NECTIN2: variants seen among roughly 807,000 people sequenced by gnomAD.
NECTIN2 encodes the protein nectin-2.
In NECTIN2, 23 loss-of-function variants were observed where a neutral mutation model predicts 56.9. The ratio of observed to expected loss-of-function variants is 0.40; its 90% CI spans 0.29 to 0.57. The LOEUF (loss-of-function observed/expected upper bound fraction) is 0.57, where lower values mean the gene tolerates loss of function less well. Among genes scored for constraint, NECTIN2 ranks in the 20% least tolerant of loss-of-function variants. The pLI, the probability that NECTIN2 is intolerant of heterozygous loss-of-function variation, is 0.38. For missense variants in NECTIN2, 587 were observed against 718.3 expected, an observed-to-expected ratio of 0.82 and a Z score of 2.09; for synonymous variants, 302 against 313.8, an observed-to-expected ratio of 0.96 and a Z score of 0.40.
chr19:44,851,030 G>A (rs1001939763), intron 1 of NECTIN2, among the ~76,000 whole-genome samples: 10 of 151,146 alleles, frequency 6.6e-5, no homozygotes, highest in Non-Finnish European at 1.2e-4. Context: ...TTCAGGCCCC[G>A]CCTCCCTCAG....
chr19:44,884,356 T>C (rs568379582), intron 6 of NECTIN2, among the ~76,000 whole-genome samples: 9 of 152,200 alleles, frequency 5.9e-5, no homozygotes, highest in Admixed American at 2.0e-4. Flanking sequence ...GGTTTTGCCA[T>C]GTTGCCCAGG....
At chr19:44,888,082 T>G (rs1254081625) in intron 8 of NECTIN2, 28 bp from the exon 9 acceptor site, 1 of 1,599,788 alleles carries the variant, frequency 6.3e-7, no homozygotes. Context: ...GAAGTGATCT[T>G]GAGTTCCTGT....
At chr19:44,870,607 AC>A (rs1969162410) in intron 2 of NECTIN2, among the ~76,000 whole-genome samples, 2 of 151,970 alleles carry the variant, frequency 1.3e-5, no homozygotes, top group Admixed American at 1.3e-4. Context: ...CCTTTATCAC[AC>A]TTCCAGTCAT....
chr19:44,874,538 C>T lies in NECTIN2; in HGVS notation c.1042+60C>T. Reference sequence around the variant, plus strand: ...GGGTCCGCTCCCCTGGAGTTCTGCCCTTCAGGACTTGGGGCTGCACTGGGG... The same window carrying T: ...GGGTCCGCTCCCCTGGAGTTCTGCCTTTCAGGACTTGGGGCTGCACTGGGG... On this transcript the variant is annotated intron_variant, in intron 5 of 8. Transcript: ENST00000252483. This position sits in a 1 kb window ranked among gnomAD's most constrained non-coding sequence, Gnocchi z 6.3. 2 of 1,595,048 alleles carry T rather than the reference C, an allele frequency of 1.3e-6. No individual in the cohort carries two copies. Among genetic ancestry groups the T allele is most frequent in the South Asian group, 1.1e-5 (1 of 90,412 alleles).
intron 6 of NECTIN2, among the ~76,000 whole-genome samples, chr19:44,885,651 G>A (rs1252490530): frequency 6.6e-6 from 1 of 152,076 alleles, no homozygotes; most frequent in Non-Finnish European, 1.5e-5. Flanking sequence ...TCACAGTGGG[G>A]CATGGTAATT....
intron 6 of NECTIN2, among the ~76,000 whole-genome samples, chr19:44,884,978 TTTTTC>T (rs554317321): frequency 4.1e-4 from 62 of 152,258 alleles, no homozygotes; most frequent in African/African-American, 5.5e-4. Flanking sequence ...ATCTTTCTTT[TTTTTC>T]TTTTCTTTTC....
At position 44,874,563 on chromosome 19, in the gene NECTIN2, G is replaced by A; in HGVS notation, c.1042+85G>A. 1.3e-6 allele frequency: 2 copies of A among 1,548,538 alleles called. No individual in the cohort carries two copies. Among genetic ancestry groups the A allele is most frequent in the South Asian group, 2.3e-5 (2 of 88,154 alleles). On this transcript the variant is annotated intron_variant, in intron 5 of 8. Coordinates refer to ENST00000252483, the MANE Select transcript of NECTIN2 (RefSeq NM_001042724.2). The surrounding 1 kb of genome is among the most constrained non-coding windows in gnomAD (Gnocchi z 6.3). ...CTTCAGGACTTGGGGCTGCACTGGG[G>A]GAGGCTGCGCCGCCGACCTGGGAGG...
At chr19:44,860,936 A>G (rs1969024708) in intron 1 of NECTIN2, among the ~76,000 whole-genome samples, 1 of 148,832 alleles carries the variant, frequency 6.7e-6, no homozygotes, top group African/African-American at 2.5e-5. Context: ...GTAAGAATTT[A>G]TATCTCGATA....
intron 2 of NECTIN2, among the ~76,000 whole-genome samples, chr19:44,868,116 C>A (rs1215578422): frequency 6.6e-6 from 1 of 151,894 alleles, no homozygotes; most frequent in African/African-American, 2.4e-5. Context: ...AATCCCAGCA[C>A]TTTAGGAGGC....
chr19:44,857,594 A>G (rs1413417981), intron 1 of NECTIN2, among the ~76,000 whole-genome samples: 2 of 151,234 alleles, frequency 1.3e-5, no homozygotes, highest in East Asian at 2.0e-4. Context: ...TAGAGATGGG[A>G]TTTCGCCATG....
chr19:44,860,799 C>A (rs1969023394), intron 1 of NECTIN2, among the ~76,000 whole-genome samples: 1 of 151,822 alleles, frequency 6.6e-6, no homozygotes, highest in Admixed American at 6.6e-5. Flanking sequence ...CCGTGTTGGC[C>A]AGGCTGGTCT....
chr19:44,866,329 C>G (rs1339670529), intron 2 of NECTIN2, among the ~76,000 whole-genome samples: 1 of 151,396 alleles, frequency 6.6e-6, no homozygotes, highest in Non-Finnish European at 1.5e-5. Context: ...CGCTTGAGAC[C>G]AGGAATTTGA....
chr19:44,851,509 C>T (rs1039997144), intron 1 of NECTIN2, among the ~76,000 whole-genome samples: 1 of 152,210 alleles, frequency 6.6e-6, no homozygotes, highest in East Asian at 1.9e-4. Flanking sequence ...CTCCTCGCTG[C>T]CTTGGTCTAC....
intron 6 of NECTIN2, among the ~76,000 whole-genome samples, chr19:44,884,158 G>A (rs2122712930): frequency 6.6e-6 from 1 of 151,990 alleles, no homozygotes; most frequent in South Asian, 2.1e-4. Flanking sequence ...AGGTATGCGA[G>A]CTATGCAAAA....
intron 6 of NECTIN2, among the ~76,000 whole-genome samples, chr19:44,885,405 G>A (rs1029882175): frequency 9.4e-5 from 14 of 149,206 alleles, no homozygotes; most frequent in Admixed American, 2.7e-4. Context: ...TCTGCCTCCC[G>A]AGTTCAAGCG....
At chr19:44,860,079 G>A (rs1044826904) in intron 1 of NECTIN2, among the ~76,000 whole-genome samples, 1 of 152,184 alleles carries the variant, frequency 6.6e-6, no homozygotes, top group Non-Finnish European at 1.5e-5. Flanking sequence ...TGGAAAACAA[G>A]ATGCCAAGTG....
chr19:44,871,921 T>G lies in NECTIN2; in HGVS notation c.547T>G (p.Cys183Gly), dbSNP rs1969179137. 1 of 1,614,036 alleles carries G rather than the reference T, an allele frequency of 6.2e-7. No homozygotes were observed. Among genetic ancestry groups the G allele is most frequent in the Non-Finnish European group, 8.5e-7 (1 of 1,180,022 alleles). Reference sequence around the variant, plus strand: ...CCAGGACCCTACGACAGTGGCCCTCTGCATCTCCAAAGAGGGCCGCCCACC... The same window carrying G: ...CCAGGACCCTACGACAGTGGCCCTCGGCATCTCCAAAGAGGGCCGCCCACC... ...FSQDPTTVALCISKEGRPPAR... is the reference protein window; with the variant it reads ...FSQDPTTVALGISKEGRPPAR... The change falls in exon 3 of 9, where the codon TGC becomes GGC. Residue 183 changes from cysteine (C) to glycine (G), a missense_variant. Coordinates refer to ENST00000252483, the MANE Select transcript of NECTIN2 (RefSeq NM_001042724.2).
Position 44,882,299 on chromosome 19 carries a change from G to A in NECTIN2, c.1131G>A (p.Thr377=), listed in dbSNP as rs776532834. The A allele has an allele frequency of 1.2e-5, 19 of 1,561,604 alleles. No homozygotes were observed. Among genetic ancestry groups the A allele is most frequent in the South Asian group, 7.1e-5 (6 of 84,744 alleles). ...AAIIATAVAA[T]GILICRQQRK... ...TCATTGCTACTGCTGTGGCTGCCAC[G>A]GGCATCCTTATCTGCCGGCAGCAGC... The change falls in exon 6 of 9, where the codon ACG becomes ACA. Residue 377 remains threonine (T), a synonymous_variant. Coordinates refer to ENST00000252483, the MANE Select transcript of NECTIN2 (RefSeq NM_001042724.2).
At chr19:44,878,792 T>TCCCGTCTC in intron 5 of NECTIN2, 1 of 1,407,764 alleles carries the variant, frequency 7.1e-7, no homozygotes, top group Non-Finnish European at 9.2e-7. Flanking sequence ...ACTGGACTTC[T>TCCCGTCTC]CCCGTCTCTA....
Sources: allele counts gnomAD v4.1 joint callset (sites outside exome capture counted in the v4.1 genomes callset), GRCh38; gene constraint gnomAD v4.1.1; non-coding constraint Gnocchi (gnomAD v3.1); transcripts MANE v1.5; gene names NCBI Gene and HGNC (gene_info 2026-07-23, HGNC 2026-07-21).